Variants in POLR1A observed in about 807,000 individuals in gnomAD.
POLR1A encodes the protein RNA polymerase I subunit A, also known as DNA-directed RNA polymerase I subunit RPA1.
Under a neutral mutation model 205.3 loss-of-function variants are expected in POLR1A, and 84 were observed. The ratio of observed to expected loss-of-function variants is 0.41; its 90% CI spans 0.34 to 0.49. The LOEUF is 0.49. Ranked by LOEUF, POLR1A falls within the 20% of genes least tolerant of loss-of-function variation. The probability of loss-of-function intolerance (pLI) is 0.22; values close to 1 mark genes in which losing one functional copy is unlikely to be tolerated. For missense variants in POLR1A, 1,645 were observed against 2,204.5 expected, an observed-to-expected ratio of 0.75 and a Z score of 5.08; for synonymous variants, 799 against 863.7, an observed-to-expected ratio of 0.93 and a Z score of 1.31.
chr2:86,055,840 A>T (rs144242960), intron 14 of POLR1A, among the ~76,000 whole-genome samples: 4 of 152,250 alleles, frequency 2.6e-5, no homozygotes, highest in African/African-American at 9.6e-5. Flanking sequence ...CAATGATAGA[A>T]GACTGGATGC....
chr2:86,078,452 A>T (rs187968557), intron 9 of POLR1A, among the ~76,000 whole-genome samples, 168 bp from the exon 10 acceptor site: 42 of 152,350 alleles, frequency 2.8e-4, no homozygotes, highest in African/African-American at 8.9e-4. Flanking sequence ...CAATCTTGTA[A>T]GTACATGTCA....
intron 14 of POLR1A, among the ~76,000 whole-genome samples, chr2:86,057,912 C>T (rs189814994): frequency 2.6e-5 from 4 of 152,166 alleles, no homozygotes; most frequent in Admixed American, 2.6e-4. Context: ...ACACTAAAAA[C>T]CTACTTATAC....
At chr2:86,063,078 G>A (rs894427955) in intron 14 of POLR1A, among the ~76,000 whole-genome samples, 1 of 152,192 alleles carries the variant, frequency 6.6e-6, no homozygotes, top group Admixed American at 6.5e-5. Flanking sequence ...GCTCAGGCCT[G>A]TAGTCCCAGC....
chr2:86,091,997 C>T (rs2104430690), intron 3 of POLR1A, among the ~76,000 whole-genome samples: 1 of 152,202 alleles, frequency 6.6e-6, no homozygotes, highest in South Asian at 2.1e-4. Flanking sequence ...TGCCTGTAGT[C>T]CCAGCTACTC....
At position 86,027,086 on chromosome 2, in the gene POLR1A, C is replaced by T; in HGVS notation, c.*337G>A. The T allele has an allele frequency of 3.5e-6, 1 of 282,702 alleles. No individual in the cohort carries two copies. The highest frequency in any genetic ancestry group is 6.8e-6 in the Non-Finnish European group (1 of 146,424). 17.5% of individuals were successfully genotyped at this position (282,702 alleles called of 1,614,324 possible). ...CTTCCCCTTGGTCTTCTCAGTGAAT[C>T]GTGAATCAGGACTTCTCCTTAGGGG... On this transcript the variant is annotated 3_prime_UTR_variant, in exon 34 of 34. Transcript: ENST00000263857.
chr2:86,098,351 G>T (rs894538107), intron 3 of POLR1A, among the ~76,000 whole-genome samples: 1 of 152,172 alleles, frequency 6.6e-6, no homozygotes, highest in African/African-American at 2.4e-5. Flanking sequence ...AATAAACCTT[G>T]ATTGAATCCT....
Position 86,028,777 on chromosome 2 carries a change from C to A in POLR1A, c.4780-66G>T. ...CTTCTGCTCCCTTCTGCCTGCGTAT[C>A]TCCCCCTGGCCGCTCTCTCTCTCCT... On this transcript the variant is annotated intron_variant, in intron 31 of 33. Transcript: ENST00000263857. The surrounding 1 kb of genome is among the most constrained non-coding windows in gnomAD (Gnocchi z 4.5). The A allele has an allele frequency of 8.7e-7, 1 of 1,150,672 alleles. No homozygotes were observed. The highest frequency in any genetic ancestry group is 1.3e-6 in the Non-Finnish European group (1 of 768,228). 71.3% of individuals were successfully genotyped at this position (1,150,672 alleles called of 1,614,324 possible).
At position 86,070,412 on chromosome 2, in the gene POLR1A, T is replaced by G. The variant is rs1206119827; in HGVS notation, c.1612-140A>C. 2 of 901,438 alleles carry G rather than the reference T, an allele frequency of 2.2e-6. No individual in the cohort carries two copies. The highest frequency in any genetic ancestry group is 3.3e-6 in the Non-Finnish European group (2 of 603,348). The allele number at this position is 901,438 out of a possible 1,614,324, so 55.8% of individuals were successfully genotyped here. A position where few individuals can be genotyped will look rare whatever the true frequency, so the allele number is the denominator to read the frequency against. On this transcript the variant is annotated intron_variant, in intron 12 of 33. Coordinates refer to ENST00000263857, the MANE Select transcript of POLR1A (RefSeq NM_015425.6). This position sits in a 1 kb window ranked among gnomAD's most constrained non-coding sequence, Gnocchi z 4.4. ...AACTAAATGCAAGGGGAATTTTTCA[T>G]CTGGAGCAAAACCCTGGAAATCTCT...
At chr2:86,096,509 A>C (rs898824443) in intron 3 of POLR1A, among the ~76,000 whole-genome samples, 4 of 152,192 alleles carry the variant, frequency 2.6e-5, no homozygotes, top group African/African-American at 4.8e-5. Context: ...GAGGCATCAC[A>C]CTACCAGAAT....
chr2:86,091,983 C>T (rs977192357), intron 3 of POLR1A, among the ~76,000 whole-genome samples: 9 of 152,000 alleles, frequency 5.9e-5, no homozygotes, highest in African/African-American at 1.5e-4. Flanking sequence ...GGCATGGTGG[C>T]GTTTGCCTGT....
chr2:86,027,635 C>T (rs1672293494), intron 33 of POLR1A, 112 bp from the exon 34 acceptor site: 4 of 983,432 alleles, frequency 4.1e-6, no homozygotes, highest in Non-Finnish European at 6.4e-6. Context: ...GGTCCTGAGT[C>T]TCTGAAGCTG....
intron 16 of POLR1A, among the ~76,000 whole-genome samples, chr2:86,051,359 T>G (rs979715482): frequency 6.7e-6 from 1 of 148,488 alleles, no homozygotes; most frequent in Non-Finnish European, 1.5e-5. Context: ...ATTATCTTCA[T>G]GTATGCTTTT....
At position 86,028,855 on chromosome 2, in the gene POLR1A, G is replaced by A; in HGVS notation, c.4780-144C>T. The A allele has an allele frequency of 6.3e-6, 4 of 634,506 alleles. No homozygotes were observed. Among genetic ancestry groups the A allele is most frequent in the Non-Finnish European group, 1.1e-5 (4 of 349,674 alleles). 39.3% of individuals were successfully genotyped at this position (634,506 alleles called of 1,614,324 possible). ...GACAAAGTGGTCAAGAGGTGGCCCAGGATTAGCAGAAGGAAATGGCTAGGC... is the reference window on the plus strand; with the variant it reads ...GACAAAGTGGTCAAGAGGTGGCCCAAGATTAGCAGAAGGAAATGGCTAGGC... On this transcript the variant is annotated intron_variant, in intron 31 of 33. Transcript: ENST00000263857. The surrounding 1 kb of genome is among the most constrained non-coding windows in gnomAD (Gnocchi z 4.5).
intron 3 of POLR1A, among the ~76,000 whole-genome samples, chr2:86,097,825 C>T (rs1456711592): frequency 6.6e-6 from 1 of 152,136 alleles, no homozygotes; most frequent in Non-Finnish European, 1.5e-5. Flanking sequence ...TAGTGTTCTA[C>T]ACCATTATAG....
chr2:86,045,615 A>G lies in POLR1A; in HGVS notation c.2886+2T>C. 1 of 1,614,078 alleles carries G rather than the reference A, an allele frequency of 6.2e-7. No homozygotes were observed. Among genetic ancestry groups the G allele is most frequent in the Non-Finnish European group, 8.5e-7 (1 of 1,179,946 alleles). On this transcript the variant is annotated splice_donor_variant, in intron 20 of 33. Transcript: ENST00000263857. LOFTEE classifies it high-confidence loss of function. ...GCTAAATGGAAAAACCAAAATACAT[A>G]CAGGAGGTTTGATGCCGGTGAGGAA...
intron 22 of POLR1A, 29 bp downstream of exon 22, chr2:86,044,110 C>A: frequency 6.2e-7 from 1 of 1,610,004 alleles, no homozygotes; most frequent in East Asian, 2.2e-5. Context: ...TACTGCTCGG[C>A]CCCCAGGCTC....
At position 86,043,124 on chromosome 2, in the gene POLR1A, G is replaced by T; in HGVS notation, c.3207C>A (p.Phe1069Leu). 1 of 1,614,100 alleles carries T rather than the reference G, an allele frequency of 6.2e-7. No individual in the cohort carries two copies. Reference protein sequence around the residue: ...RADPKKALHHFRAIKKWQSKH... With the variant: ...RADPKKALHHLRAIKKWQSKH... ...TGCTTTGCCATTTTTTGATAGCTCT[G>T]AAGTGGTGGAGAGCTTTTTTGGGAT... The change falls in exon 23 of 34, where the codon TTC becomes TTA. Residue 1069 changes from phenylalanine (F) to leucine (L), a missense_variant. By Grantham distance (22) the Phe-to-Leu change is conservative. This residue lies in a region of POLR1A where 201 missense variants were observed against 222.3 expected (regional missense o/e 0.90). Transcript: ENST00000263857.
At chr2:86,034,400 G>A (rs191710083) in intron 27 of POLR1A, among the ~76,000 whole-genome samples, 4 of 152,284 alleles carry the variant, frequency 2.6e-5, no homozygotes, top group African/African-American at 9.6e-5. Context: ...TCAAAATTTC[G>A]AAGGGCAGAG....
In POLR1A at chr2:86,028,136, G is replaced by C; in HGVS notation, c.4898-87C>G. The C allele has an allele frequency of 7.8e-7, 1 of 1,281,648 alleles. No individual in the cohort carries two copies. The allele number at this position is 1,281,648 out of a possible 1,614,324, so 79.4% of individuals were successfully genotyped here. ...CACAAGCCAAGCTGCCTCCACATCAGCACATGGCTTGGGAGTTAGACTCTG... is the reference window on the plus strand; with the variant it reads ...CACAAGCCAAGCTGCCTCCACATCACCACATGGCTTGGGAGTTAGACTCTG... On this transcript the variant is annotated intron_variant, in intron 32 of 33. Transcript: ENST00000263857. This position sits in a 1 kb window ranked among gnomAD's most constrained non-coding sequence, Gnocchi z 4.5.
Sources: gnomAD v4.1 joint callset for allele counts (sites outside exome capture counted in the v4.1 genomes callset) on GRCh38, gnomAD v4.1.1 for gene constraint, gnomAD v4.1.1 regional missense constraint, Gnocchi (gnomAD v3.1) non-coding constraint, MANE v1.5 for transcripts, NCBI Gene and HGNC (gene_info 2026-07-23, HGNC 2026-07-21) for gene names.